Variants in GANC observed in about 807,000 individuals in gnomAD.
GANC encodes glucosidase alpha, neutral C, also known as neutral alpha-glucosidase C.
GANC carries 117 observed loss-of-function variants against 124.2 expected under a neutral mutation model. That is an observed-to-expected ratio of 0.94 (90% confidence interval 0.81 to 1.10). The LOEUF is 1.10. GANC is among the 50% of genes least tolerant of loss of function. The pLI is 0.00. For synonymous variants in GANC, 377 were observed against 376.8 expected (o/e 1.00, Z -0.01); for missense variants, 1,140 against 1,095.0 (o/e 1.04, Z -0.58).
rs115254652 is a variant in GANC, at chr15:42,273,887, G to A, written c.-595G>A. On this transcript the variant is annotated 5_prime_UTR_variant, in exon 1 of 24. Transcript: ENST00000318010. Reference sequence around the variant, plus strand: ...AAGGCTGGAATTCGGCGGTGGTGGAGTACACGCGATTCCTAGACTGGGTAG... The same window carrying A: ...AAGGCTGGAATTCGGCGGTGGTGGAATACACGCGATTCCTAGACTGGGTAG... 396 of 194,968 alleles carry A rather than the reference G, an allele frequency of 2.0e-3. 2 individuals carry two copies. The highest frequency in any genetic ancestry group is 8.6e-3 in the African/African-American group (368 of 42,744). 12.1% of individuals were successfully genotyped at this position (194,968 alleles called of 1,614,324 possible).
intron 18 of GANC, among the ~76,000 whole-genome samples, chr15:42,341,923 C>T (rs1204773915): frequency 6.6e-6 from 1 of 152,060 alleles, no homozygotes. Flanking sequence ...ATAGTCACTG[C>T]CTTGGAGAAA....
intron 15 of GANC, among the ~76,000 whole-genome samples, chr15:42,334,968 G>C (rs577370830): frequency 6.6e-6 from 1 of 151,964 alleles, no homozygotes; most frequent in East Asian, 1.9e-4. Context: ...AATTGAATGA[G>C]TAGTAAAAAG....
chr15:42,304,668 G>A lies in GANC; in HGVS notation c.559-1878G>A, dbSNP rs148617305. Among the ~76,000 whole-genome samples the A allele has an allele frequency of 8.1e-3, 1,234 of 152,232 alleles. 19 individuals are homozygous for A. The highest frequency in any genetic ancestry group is 0.029 in the African/African-American group (1,191 of 41,530). On this transcript the variant is annotated intron_variant, in intron 6 of 23. Coordinates refer to ENST00000318010, the MANE Select transcript of GANC (RefSeq NM_198141.3). ...GTCCATATAGCCAAGACAATCCTAA[G>A]CAGAAAGAACAAAGCTGGAGTTATC...
At chr15:42,308,412 G>A (rs1403322069) in intron 8 of GANC, 94 bp downstream of exon 8, 7 of 757,696 alleles carry the variant, frequency 9.2e-6, no homozygotes, top group Non-Finnish European at 1.6e-5. Flanking sequence ...GTGCTAATAT[G>A]TGCCAGGCCT....
chr15:42,282,195 C>T (rs930395047), intron 3 of GANC, among the ~76,000 whole-genome samples: 1 of 152,162 alleles, frequency 6.6e-6, no homozygotes, highest in Non-Finnish European at 1.5e-5. Context: ...GTGGCATGTG[C>T]CTGTAGTCCC....
At chr15:42,312,665 C>T (rs2052062726) in intron 10 of GANC, among the ~76,000 whole-genome samples, 1 of 152,204 alleles carries the variant, frequency 6.6e-6, no homozygotes, top group Middle Eastern at 3.2e-3. Context: ...ACTGCCCAGG[C>T]ACGGTGGCCC....
chr15:42,306,455 T>TA (rs1472242537), intron 6 of GANC, 91 bp from the exon 7 acceptor site: 14 of 1,031,038 alleles, frequency 1.4e-5, no homozygotes, highest in Non-Finnish European at 1.9e-5. Flanking sequence ...CTCAGTCTTT[T>TA]AAAAAAATAA....
chr15:42,338,471 T>C lies in GANC; in HGVS notation c.1824T>C (p.Thr608=). Residue 608 remains threonine (T), a synonymous_variant, in exon 16 of 24, where the codon ACT becomes ACC. Coordinates refer to ENST00000318010, the MANE Select transcript of GANC (RefSeq NM_198141.3). The part of the protein sequence containing the change: ...SIPMLLTLSI[T]GISFCGADIG... ...CAATGTTACTCACTCTCAGCATTAC[T>C]GGGATCTCTTTTTGCGGAGGTAAGA... 6.2e-7 allele frequency: 1 copy of C among 1,613,416 alleles called. No homozygotes were observed. The highest frequency in any genetic ancestry group is 8.5e-7 in the Non-Finnish European group (1 of 1,179,362).
chr15:42,330,444 G>GATGGTATTTTA (rs1184356817), intron 14 of GANC, 132 bp from the exon 15 acceptor site: 20 of 607,220 alleles, frequency 3.3e-5, no homozygotes, highest in Admixed American at 1.0e-4. Flanking sequence ...AAAATTATTT[G>GATGGTATTTTA]ATGGATTTAT....
At chr15:42,335,968 TAACAC>T (rs1164741108) in intron 15 of GANC, among the ~76,000 whole-genome samples, 2 of 151,910 alleles carry the variant, frequency 1.3e-5, no homozygotes, top group Non-Finnish European at 2.9e-5. Flanking sequence ...AAATCAGAGA[TAACAC>T]AAGCAAATAG....
At chr15:42,327,810 A>G (rs973601895) in intron 13 of GANC, among the ~76,000 whole-genome samples, 3 of 152,246 alleles carry the variant, frequency 2.0e-5, no homozygotes, top group African/African-American at 4.8e-5. Context: ...CGTATTTGTC[A>G]TTAAAAGTGA....
intron 6 of GANC, among the ~76,000 whole-genome samples, chr15:42,300,631 A>G (rs1198314001): frequency 2.6e-5 from 4 of 152,238 alleles, no homozygotes; most frequent in African/African-American, 4.8e-5. Flanking sequence ...TCATTCTACT[A>G]TAAAGACACA....
At chr15:42,316,556 A>G (rs978823817) in intron 10 of GANC, among the ~76,000 whole-genome samples, 18 of 152,194 alleles carry the variant, frequency 1.2e-4, no homozygotes, top group South Asian at 2.1e-4. Context: ...GGACTTTAAG[A>G]CTTTCACTAT....
chr15:42,328,041 A>T, intron 13 of GANC, among the ~76,000 whole-genome samples: 1 of 152,162 alleles, frequency 6.6e-6, no homozygotes, highest in African/African-American at 2.4e-5. Flanking sequence ...TGAAGTTGGA[A>T]CTATAACTAA....
intron 5 of GANC, among the ~76,000 whole-genome samples, chr15:42,296,502 C>T (rs1233339523): frequency 6.6e-6 from 1 of 152,146 alleles, no homozygotes; most frequent in Non-Finnish European, 1.5e-5. Flanking sequence ...AAGCAATTCT[C>T]CTGCCTCAGC....
chr15:42,349,539 C>T, intron 22 of GANC, 44 bp downstream of exon 22: 2 of 1,127,348 alleles, frequency 1.8e-6, no homozygotes, highest in East Asian at 2.4e-5. Context: ...AAGTAAATCA[C>T]ACTATCCGTT....
rs1210642595 is a variant in GANC, at chr15:42,291,448, GA to G, written c.330-1285del. On this transcript the variant is annotated intron_variant, in intron 4 of 23. Coordinates refer to ENST00000318010, the MANE Select transcript of GANC (RefSeq NM_198141.3). ...ACAGACTTAGAGAGATAAAGATGTTGAAGTGGATTTGTTTCATGCAACCAGC... is the reference window on the plus strand; with the variant it reads ...ACAGACTTAGAGAGATAAAGATGTTGAGTGGATTTGTTTCATGCAACCAGC... Among the ~76,000 whole-genome samples, 3 of 152,278 alleles carry G rather than the reference GA, an allele frequency of 2.0e-5. No homozygotes were observed. The East Asian group carries it at 5.8e-4, about 29-fold the overall frequency.
intron 16 of GANC, among the ~76,000 whole-genome samples, chr15:42,338,863 A>G (rs1189809824): frequency 6.6e-6 from 1 of 152,232 alleles, no homozygotes; most frequent in African/African-American, 2.4e-5. Flanking sequence ...TCAGCCTTAC[A>G]GAAATTCTTT....
Position 42,311,822 on chromosome 15 carries a change from A to G in GANC, c.1057+976A>G, listed in dbSNP as rs7182791. 1.1e-3 allele frequency among the ~76,000 whole-genome samples: 162 copies of G among 149,342 alleles called. 1 individual carries two copies. The highest frequency in any genetic ancestry group is 3.8e-3 in the African/African-American group (156 of 41,088). On this transcript the variant is annotated intron_variant, in intron 10 of 23. Coordinates refer to ENST00000318010, the MANE Select transcript of GANC (RefSeq NM_198141.3). ...TTCGACGTGAGATTTGGGTGGGAAC[A>G]CAAATCCAAACCATATCAATCAATA...
Sources: allele counts gnomAD v4.1 joint callset (sites outside exome capture counted in the v4.1 genomes callset), GRCh38; gene constraint gnomAD v4.1.1; transcripts MANE v1.5; gene names NCBI Gene and HGNC (gene_info 2026-07-23, HGNC 2026-07-21).